Variants in MICAL3 observed in about 807,000 individuals in gnomAD.
MICAL3 encodes microtubule associated monooxygenase, calponin and LIM domain containing 3, also known as [F-actin]-monooxygenase MICAL3.
In MICAL3, 62 loss-of-function variants were observed where a neutral mutation model predicts 207.4. That is an observed-to-expected ratio of 0.30 (90% CI 0.24 to 0.37). MICAL3 has a LOEUF of 0.37. MICAL3 is among the 10% of genes least tolerant of loss of function. The pLI is 1.00. For synonymous variants in MICAL3, 1,077 were observed against 1,069.3 expected (o/e 1.01, Z -0.14); for missense variants, 2,368 against 2,635.6 (o/e 0.90, Z 2.22).
chr22:17,899,040 A>C (rs1454308232), intron 7 of MICAL3, among the ~76,000 whole-genome samples: 4 of 152,228 alleles, frequency 2.6e-5, no homozygotes, highest in African/African-American at 9.6e-5. Context: ...ACCAATCATC[A>C]GTCAGATATG....
chr22:17,955,114 T>C (rs1420615096), intron 1 of MICAL3, among the ~76,000 whole-genome samples: 5 of 152,194 alleles, frequency 3.3e-5, no homozygotes, highest in Non-Finnish European at 7.3e-5. Context: ...GCAGGATTCT[T>C]GTTAAGGATT....
At chr22:17,864,102 G>A (rs1367352727) in intron 19 of MICAL3, 1 of 987,074 alleles carries the variant, frequency 1.0e-6, no homozygotes, top group Non-Finnish European at 1.2e-6. Flanking sequence ...AAGTTGCTGA[G>A]AGAGGCCATT....
intron 1 of MICAL3, among the ~76,000 whole-genome samples, chr22:17,944,229 T>C (rs1272160551): frequency 6.6e-6 from 1 of 152,224 alleles, no homozygotes; most frequent in Non-Finnish European, 1.5e-5. Context: ...AGTGTTTACT[T>C]GTGCGTCATA....
At chr22:17,922,237 T>C (rs1417366338) in intron 1 of MICAL3, among the ~76,000 whole-genome samples, 2 of 151,996 alleles carry the variant, frequency 1.3e-5, no homozygotes. Context: ...TCTGGCTAGG[T>C]AGAGGAATTC....
chr22:17,838,271 ACT>A (rs1923610471), intron 20 of MICAL3, among the ~76,000 whole-genome samples: 3 of 152,134 alleles, frequency 2.0e-5, no homozygotes, highest in Admixed American at 2.0e-4. Context: ...TGAATCAGAA[ACT>A]CAGCCCAACG....
chr22:17,881,056 G>T, intron 16 of MICAL3: 1 of 699,032 alleles, frequency 1.4e-6, no homozygotes, highest in Non-Finnish European at 2.5e-6. Flanking sequence ...CATAAAAGTT[G>T]CTTCCACCAC....
Position 17,818,018 on chromosome 22 carries a change from G to A in MICAL3, c.4643C>T (p.Ser1548Phe). ...AGGCTTCTCGGGGCGCGGCCAGCAG[G>A]ACGGGGGCGTGAAGAATTTCTCCTG... The part of the protein sequence containing the change: ...SLQEKFFTPP[S>F]CWPRPEKPRH... Residue 1548 changes from serine (S) to phenylalanine (F), a missense_variant, in exon 26 of 32, where the codon TCC becomes TTC. Ser to Phe is a radical substitution (Grantham distance 155). Transcript: ENST00000441493. The A allele has an allele frequency of 6.2e-7, 1 of 1,612,492 alleles. No individual in the cohort carries two copies. The highest frequency in any genetic ancestry group is 8.5e-7 in the Non-Finnish European group (1 of 1,179,774).
chr22:17,818,030 A>G lies in MICAL3; in HGVS notation c.4631T>C (p.Phe1544Ser). 1 of 1,612,648 alleles carries G rather than the reference A, an allele frequency of 6.2e-7. No individual in the cohort carries two copies. The highest frequency in any genetic ancestry group is 2.2e-5 in the East Asian group (1 of 44,842). The change falls in exon 26 of 32, where the codon TTC (phenylalanine) becomes TCC (serine). Residue 1544 changes from phenylalanine (F) to serine (S), a missense_variant. Physicochemically the swap from Phe to Ser is radical, Grantham distance 155 (BLOSUM62 -2). This residue lies in a region of MICAL3 where 1,770 missense variants were observed against 1,863.2 expected (regional missense o/e 0.95). Coordinates refer to ENST00000441493, the MANE Select transcript of MICAL3 (RefSeq NM_015241.3). ...GCGCGGCCAGCAGGACGGGGGCGTG[A>G]AGAATTTCTCCTGCAGGCTTGAGTC... is the stretch of plus-strand genomic sequence containing the variant. The part of the protein sequence containing the change: ...TEDSSLQEKF[F>S]TPPSCWPRPE...
intron 24 of MICAL3, 99 bp from the exon 25 acceptor site, chr22:17,821,608 A>C: frequency 2.0e-6 from 2 of 983,272 alleles, no homozygotes; most frequent in Non-Finnish European, 3.0e-6. Context: ...GGGAGGGTAG[A>C]GGGCGAGTCG....
intron 19 of MICAL3, among the ~76,000 whole-genome samples, chr22:17,844,351 A>G (rs1355647680): frequency 6.6e-6 from 1 of 152,230 alleles, no homozygotes; most frequent in Non-Finnish European, 1.5e-5. Flanking sequence ...GGCTAAAGGA[A>G]AGCGGCAGGT....
chr22:17,892,892 C>G (rs1270937936), intron 11 of MICAL3, among the ~76,000 whole-genome samples: 2 of 152,222 alleles, frequency 1.3e-5, no homozygotes, highest in Admixed American at 1.3e-4. Flanking sequence ...ACACCTACCT[C>G]TTGCCCCACA....
At chr22:17,812,253 C>T (rs529024408) in intron 27 of MICAL3, among the ~76,000 whole-genome samples, 57 of 152,374 alleles carry the variant, frequency 3.7e-4, no homozygotes, top group Middle Eastern at 3.4e-3. Flanking sequence ...AGCCCCACAG[C>T]GGCAGCTGTG....
chr22:17,945,202 T>C (rs1460798649), intron 1 of MICAL3, among the ~76,000 whole-genome samples: 1 of 152,084 alleles, frequency 6.6e-6, no homozygotes, highest in Non-Finnish European at 1.5e-5. Context: ...TTTACCTTTC[T>C]CCATAAGGAA....
At chr22:17,967,719 G>C (rs148854751) in intron 1 of MICAL3, among the ~76,000 whole-genome samples, 1 of 151,678 alleles carries the variant, frequency 6.6e-6, no homozygotes, top group African/African-American at 2.4e-5. Flanking sequence ...ACCAGCCTGG[G>C]CAACACAGCG....
At chr22:17,924,064 C>T (rs746922848) in intron 1 of MICAL3, among the ~76,000 whole-genome samples, 1 of 152,154 alleles carries the variant, frequency 6.6e-6, no homozygotes, top group Non-Finnish European at 1.5e-5. Context: ...CTCAAGAGAA[C>T]TCACTATCAC....
At chr22:17,830,979 G>C (rs967313114) in intron 21 of MICAL3, among the ~76,000 whole-genome samples, 2 of 152,242 alleles carry the variant, frequency 1.3e-5, no homozygotes, top group Non-Finnish European at 2.9e-5. Flanking sequence ...ATGGGACTGG[G>C]CAGCAAGCAC....
intron 19 of MICAL3, among the ~76,000 whole-genome samples, chr22:17,853,062 G>A (rs371346463): frequency 1.3e-5 from 2 of 148,878 alleles, no homozygotes; most frequent in Non-Finnish European, 3.0e-5. Context: ...GTGACAGAGC[G>A]AGACTCCATC....
chr22:17,893,193 G>C (rs527340167), intron 11 of MICAL3, among the ~76,000 whole-genome samples: 2 of 152,152 alleles, frequency 1.3e-5, no homozygotes, highest in East Asian at 3.9e-4. Flanking sequence ...CCCAGCATCA[G>C]GCCCAGATCT....
chr22:17,949,758 G>A lies in MICAL3; in HGVS notation c.-74-42872C>T, dbSNP rs142411362. Among the ~76,000 whole-genome samples the A allele has an allele frequency of 4.6e-3, 703 of 152,348 alleles. 5 individuals are homozygous for A. Among genetic ancestry groups the A allele is most frequent in the African/African-American group, 0.016 (657 of 41,576 alleles). On this transcript the variant is annotated intron_variant, in intron 1 of 31. Coordinates refer to ENST00000441493, the MANE Select transcript of MICAL3 (RefSeq NM_015241.3). ...AAACAAAAGACGGATCTGTAAAGCA[G>A]AGGACGAAACAGCCAGGTAGTGACC...
Sources: allele counts gnomAD v4.1 joint callset (sites outside exome capture counted in the v4.1 genomes callset), GRCh38; gene constraint gnomAD v4.1.1; regional missense constraint gnomAD v4.1.1; transcripts MANE v1.5; gene names NCBI Gene and HGNC (gene_info 2026-07-23, HGNC 2026-07-21).